The following PBLD variants were observed in gnomAD, a reference collection of about 807,000 sequenced individuals.
The protein encoded by PBLD is phenazine biosynthesis-like domain-containing protein.
Under a neutral mutation model 31.3 loss-of-function variants are expected in PBLD, and 26 were observed. The observed-to-expected ratio is 0.83, with a 90% CI of 0.61 to 1.15. The LOEUF is 1.15. Among genes scored for constraint, PBLD ranks in the 50% most tolerant of loss-of-function variants. The probability of loss-of-function intolerance (pLI) is 0.00; values close to 1 mark genes in which losing one functional copy is unlikely to be tolerated. For synonymous variants in PBLD, 114 were observed against 129.0 expected (o/e 0.88, Z 0.79); for missense variants, 307 against 351.7 (o/e 0.87, Z 1.02).
At chr10:68,310,384 T>TATATATATATATAC (rs1554859465) in intron 1 of PBLD, among the ~76,000 whole-genome samples, 4 of 147,442 alleles carry the variant, frequency 2.7e-5, no homozygotes, top group Non-Finnish European at 4.5e-5. Flanking sequence ...TATATATATA[T>TATATATATATATAC]ACACATTGTG....
At position 68,292,186 on chromosome 10, in the gene PBLD, G is replaced by A; in HGVS notation, c.336C>T (p.Ala112=). ...TFVTLSGELR[A]RRAEDGIVLD... is the part of the protein sequence containing the mutation. ...GGACGATGCCATCCTCTGCTCGTCT[G>A]GCCCTTAGTTCTCCACTCAGAGTGA... Residue 112 remains alanine (A), a synonymous_variant, in exon 5 of 10, where the codon GCC becomes GCT. Transcript: ENST00000358769. 6.2e-7 allele frequency: 1 copy of A among 1,613,738 alleles called. No homozygotes were observed. Among genetic ancestry groups the A allele is most frequent in the African/African-American group, 1.3e-5 (1 of 75,042 alleles).
intron 1 of PBLD, among the ~76,000 whole-genome samples, chr10:68,310,208 T>C (rs1024222360): frequency 4.0e-5 from 6 of 149,768 alleles, no homozygotes; most frequent in Non-Finnish European, 7.4e-5. Context: ...TTTTTTCAGT[T>C]GGTGAAAAGA....
intron 2 of PBLD, among the ~76,000 whole-genome samples, chr10:68,301,318 A>G (rs10740293): frequency 0.74 from 112,285 of 152,054 alleles, 42,355 homozygotes; most frequent in Middle Eastern, 0.84. Flanking sequence ...GTGGGCCTGG[A>G]TAAGTGAGAA....
intron 4 of PBLD, among the ~76,000 whole-genome samples, chr10:68,293,756 C>G (rs1248928847): frequency 1.3e-5 from 2 of 152,066 alleles, no homozygotes; most frequent in Non-Finnish European, 2.9e-5. Flanking sequence ...GGGTGGTTCA[C>G]CCGAAGTCAG....
intron 1 of PBLD, among the ~76,000 whole-genome samples, chr10:68,311,937 C>T (rs1235120219): frequency 6.6e-6 from 1 of 152,124 alleles, no homozygotes; most frequent in Non-Finnish European, 1.5e-5. Context: ...AAGTATTGTA[C>T]CACACATCAG....
At chr10:68,305,492 G>A (rs536218969) in intron 2 of PBLD, among the ~76,000 whole-genome samples, 12 of 152,082 alleles carry the variant, frequency 7.9e-5, no homozygotes, top group African/African-American at 1.7e-4. Context: ...CGGTGCTCAC[G>A]CCTGTAATCC....
intron 2 of PBLD, among the ~76,000 whole-genome samples, chr10:68,299,626 C>T (rs574638335): frequency 6.6e-6 from 1 of 151,926 alleles, no homozygotes; most frequent in African/African-American, 2.4e-5. Context: ...GAGGGCGAGG[C>T]GGGTAGATCA....
At chr10:68,307,156 A>G (rs1278203350) in intron 1 of PBLD, among the ~76,000 whole-genome samples, 1 of 151,876 alleles carries the variant, frequency 6.6e-6, no homozygotes, top group Admixed American at 6.6e-5. Context: ...CAGCCTCTTG[A>G]GTAGCTGGAA....
intron 2 of PBLD, 76 bp from the exon 3 acceptor site, chr10:68,297,061 C>T: frequency 8.9e-7 from 1 of 1,119,388 alleles, no homozygotes; most frequent in Admixed American, 1.8e-5. Context: ...CTACCATTAA[C>T]TTAAAAAGCA....
rs750339542 is a variant in PBLD at position 68,285,442 on chromosome 10, C to T, written c.692-32G>A. 5 of 1,571,754 alleles carry T rather than the reference C, an allele frequency of 3.2e-6. No homozygotes were observed. The African/African-American group carries it at 6.9e-5, about 22-fold the overall frequency. On this transcript the variant is annotated intron_variant, in intron 8 of 9. Transcript: ENST00000358769. ...AGAAGTGAAAAGTTAGGAGACAATCCCCAAGAAAACAGAGGCGATTTTGTG... is the reference window on the plus strand; with the variant it reads ...AGAAGTGAAAAGTTAGGAGACAATCTCCAAGAAAACAGAGGCGATTTTGTG...
chr10:68,310,869 A>AGT (rs2044658043), intron 1 of PBLD, among the ~76,000 whole-genome samples: 1 of 150,180 alleles, frequency 6.7e-6, no homozygotes, highest in Admixed American at 6.8e-5. Flanking sequence ...TAAACCCATC[A>AGT]TAAGTTAAAA....
intron 1 of PBLD, among the ~76,000 whole-genome samples, chr10:68,315,740 G>A (rs2134509974): frequency 6.6e-6 from 1 of 152,250 alleles, no homozygotes; most frequent in South Asian, 2.1e-4. Context: ...GGGGTTTTGT[G>A]CAAGCAGAAA....
chr10:68,313,644 T>C (rs1043358382), intron 1 of PBLD, among the ~76,000 whole-genome samples: 4 of 152,212 alleles, frequency 2.6e-5, no homozygotes, highest in Admixed American at 6.6e-5. Flanking sequence ...GATTTACCAT[T>C]TACCAAACAA....
intron 2 of PBLD, among the ~76,000 whole-genome samples, chr10:68,298,782 A>ACACC (rs1386329381): frequency 6.6e-6 from 1 of 151,518 alleles, no homozygotes; most frequent in African/African-American, 2.4e-5. Context: ...ACACACACAC[A>ACACC]CACACACACA....
At chr10:68,330,136 C>T (rs1346555162) in intron 1 of PBLD, among the ~76,000 whole-genome samples, 1 of 152,066 alleles carries the variant, frequency 6.6e-6, no homozygotes. Flanking sequence ...ATAACACTGT[C>T]CTTTCTTCCT....
At chr10:68,298,406 C>T (rs1047216273) in intron 2 of PBLD, among the ~76,000 whole-genome samples, 2 of 152,124 alleles carry the variant, frequency 1.3e-5, no homozygotes, top group Non-Finnish European at 2.9e-5. Flanking sequence ...GAGAGTGGAT[C>T]GCTTGAACCC....
intron 2 of PBLD, among the ~76,000 whole-genome samples, chr10:68,297,331 C>T (rs1435588685): frequency 6.6e-6 from 1 of 152,194 alleles, no homozygotes; most frequent in Non-Finnish European, 1.5e-5. Flanking sequence ...ATCTCCTTTG[C>T]TTTGCTGGTG....
chr10:68,307,222 T>G (rs922655546), intron 1 of PBLD, among the ~76,000 whole-genome samples: 1 of 151,622 alleles, frequency 6.6e-6, no homozygotes, highest in Non-Finnish European at 1.5e-5. Flanking sequence ...TAGCGTCAGG[T>G]TTTCACGGTG....
intron 1 of PBLD, among the ~76,000 whole-genome samples, chr10:68,325,006 G>A (rs897948656): frequency 6.6e-6 from 1 of 151,344 alleles, no homozygotes; most frequent in Admixed American, 6.6e-5. Flanking sequence ...AGAACTTTGG[G>A]AGGCCGAGAC....
Sources: allele counts gnomAD v4.1 joint callset (sites outside exome capture counted in the v4.1 genomes callset), GRCh38; gene constraint gnomAD v4.1.1; transcripts MANE v1.5; gene names NCBI Gene and HGNC (gene_info 2026-07-23, HGNC 2026-07-21).